Variants in POLR2F observed in about 807,000 individuals in gnomAD.
POLR2F encodes RNA polymerase II, I and III subunit F, also known as DNA-directed RNA polymerases I, II, and III subunit RPABC2.
Under a neutral mutation model 22.7 loss-of-function variants are expected in POLR2F, and 12 were observed. The ratio of observed to expected loss-of-function variants is 0.53; its 90% confidence interval spans 0.34 to 0.86. The LOEUF is 0.86. POLR2F is among the 40% of genes least tolerant of loss of function. The pLI is 0.02. For synonymous variants in POLR2F, 57 were observed against 66.0 expected (o/e 0.86, Z 0.66); for missense variants, 126 against 171.5 (o/e 0.73, Z 1.48).
chr22:37,956,298 G>T (rs951875919), intron 1 of POLR2F, among the ~76,000 whole-genome samples: 2 of 151,842 alleles, frequency 1.3e-5, no homozygotes, highest in East Asian at 3.9e-4. Flanking sequence ...CATCATGTTG[G>T]TCAGGCTGGC....
intron 1 of POLR2F, among the ~76,000 whole-genome samples, chr22:38,013,876 A>C (rs2084892965): frequency 6.6e-6 from 1 of 152,176 alleles, no homozygotes. Flanking sequence ...TAATCCCAGC[A>C]CTTTGGGAGG....
intron 5 of POLR2F, among the ~76,000 whole-genome samples, chr22:38,036,869 C>CT (rs747600617): frequency 6.6e-6 from 1 of 152,162 alleles, no homozygotes; most frequent in Non-Finnish European, 1.5e-5. Context: ...CCCTCTCAGG[C>CT]CTTTTGTGCT....
Position 37,962,729 on chromosome 22 carries a change from C to T in POLR2F, c.221+3253C>T, listed in dbSNP as rs932205730. Among the ~76,000 whole-genome samples, 3 of 152,280 alleles carry T rather than the reference C, an allele frequency of 2.0e-5. No homozygotes were observed. In the South Asian group the frequency reaches 6.2e-4, roughly 32 times the overall value. On this transcript the variant is annotated intron_variant, in intron 3 of 4. Transcript: ENST00000442738. ...TTTTTGAGACGGAGTCTTGCTCTGTCACCCAGGCTGGAGTGCAGTGGCACA... is the reference window on the plus strand; with the variant it reads ...TTTTTGAGACGGAGTCTTGCTCTGTTACCCAGGCTGGAGTGCAGTGGCACA...
chr22:37,996,808 G>A (rs2084718674), intron 1 of POLR2F, among the ~76,000 whole-genome samples: 1 of 152,208 alleles, frequency 6.6e-6, no homozygotes, highest in Non-Finnish European at 1.5e-5. Flanking sequence ...CCCTTGGGGA[G>A]TTTTAAAAGA....
rs907109273 is a variant in POLR2F, at chr22:37,975,001, A to G, written c.293+7831A>G. Among the ~76,000 whole-genome samples the G allele has an allele frequency of 2.6e-5, 4 of 152,176 alleles. No homozygotes were observed. In the East Asian group the frequency reaches 7.7e-4, roughly 29 times the overall value. On this transcript the variant is annotated intron_variant, in intron 4 of 4. Transcript: ENST00000405557. ...TCCTCCTGAGCCCACCCTGCTTCCC[A>G]GCCCACTGGCAAGCCCTTAGCCCCG...
In POLR2F at chr22:37,968,209, C is replaced by CAA; in HGVS notation, c.*495_*496insAA. 2 of 985,506 alleles carry CAA rather than the reference C, an allele frequency of 2.0e-6. No individual in the cohort carries two copies. The highest frequency in any genetic ancestry group is 1.2e-6 in the Non-Finnish European group (1 of 829,994). 61.0% of individuals were successfully genotyped at this position (985,506 alleles called of 1,614,324 possible). On this transcript the variant is annotated 3_prime_UTR_variant, in exon 5 of 5. Transcript: ENST00000442738. ...CTTATCGTGGGCTCGGATCCCCTTT[C>CAA]AGGAGCAGTGCCCCAGCAGGAAGCG...
intron 1 of POLR2F, among the ~76,000 whole-genome samples, chr22:38,009,573 T>C (rs1372558661): frequency 6.6e-6 from 1 of 152,236 alleles, no homozygotes; most frequent in Non-Finnish European, 1.5e-5. Context: ...GGATGAGTTT[T>C]GACACATGTA....
In POLR2F at chr22:37,986,201, A is replaced by G. The variant is rs1451483662; in HGVS notation, c.11A>G (p.Asp4Gly). 1 of 1,542,784 alleles carries G rather than the reference A, an allele frequency of 6.5e-7. No homozygotes were observed. Residue 4 changes from aspartate (D) to glycine (G), a missense_variant, in exon 1 of 3, where the codon GAC (aspartate) becomes GGC (glycine). Physicochemically the swap from Asp to Gly is moderately conservative, Grantham distance 94 (BLOSUM62 -1). Transcript: ENST00000333418. This position sits in a 1 kb window ranked among gnomAD's most constrained non-coding sequence, Gnocchi z 4.7. ...CCCGGAGAGGAGCCGCCCTGGATGG[A>G]CAGAGGGACGAGGGACGAGCATCTG...
chr22:37,970,900 T>G (rs1213617435), downstream of POLR2F: 1 of 247,438 alleles, frequency 4.0e-6, no homozygotes, highest in Non-Finnish European at 8.1e-6. Context: ...GGATATGACT[T>G]TGCAATGGAT....
downstream of POLR2F, among the ~76,000 whole-genome samples, chr22:38,030,588 C>T (rs778330715): frequency 2.6e-5 from 4 of 152,122 alleles, no homozygotes; most frequent in Non-Finnish European, 5.9e-5. Flanking sequence ...AACCGGAGCC[C>T]GAGGATAGAA....
Position 37,964,653 on chromosome 22 carries a change from C to T in POLR2F, c.222-2446C>T, listed in dbSNP as rs370959540. 1.0e-4 allele frequency among the ~76,000 whole-genome samples: 15 copies of T among 147,162 alleles called. No homozygotes were observed. The East Asian group carries it at 2.8e-3, about 28-fold the overall frequency. ...ATGGCATGATCTTGGCTGATTGCAA[C>T]CTCTGCCTCCTGGGTTCAAGGAATT... is the stretch of plus-strand genomic sequence containing the variant. On this transcript the variant is annotated intron_variant, in intron 3 of 4. Coordinates refer to ENST00000442738, the MANE Select transcript of POLR2F (RefSeq NM_021974.5).
At chr22:37,983,816 G>T (rs767144230), upstream of POLR2F, 2 of 1,403,514 alleles carry the variant, frequency 1.4e-6, no homozygotes, top group South Asian at 1.3e-5. The surrounding 1 kb of genome is among the most constrained non-coding windows in gnomAD (Gnocchi z 9.5). Context: ...CGCCGCCTCG[G>T]CCGCCTCCCC....
intron 1 of POLR2F, among the ~76,000 whole-genome samples, chr22:38,007,356 G>A (rs1382929299): frequency 1.3e-5 from 2 of 152,228 alleles, no homozygotes; most frequent in African/African-American, 4.8e-5. Flanking sequence ...AGGGCATGAG[G>A]TGGCCCAGGC....
downstream of POLR2F, among the ~76,000 whole-genome samples, chr22:37,970,062 G>T (rs1180724340): frequency 6.6e-6 from 1 of 152,112 alleles, no homozygotes; most frequent in African/African-American, 2.4e-5. Context: ...GGGAGGCTGA[G>T]GTTGGCAGAT....
rs2145752824 is a variant in POLR2F at position 37,968,669 on chromosome 22, T to C, written c.*954T>C. 1.0e-6 allele frequency: 1 copy of C among 985,402 alleles called. No homozygotes were observed. Among genetic ancestry groups the C allele is most frequent in the East Asian group, 1.1e-4 (1 of 8,804 alleles). 61.0% of individuals were successfully genotyped at this position (985,402 alleles called of 1,614,324 possible). On this transcript the variant is annotated 3_prime_UTR_variant, in exon 5 of 5. Transcript: ENST00000442738. ...TAGAGGGGGTCAGGGGGAGGGTGTA[T>C]ATTGACATGAACAGGGATAGAGGGT...
chr22:37,991,266 T>C (rs1283346142), intron 1 of POLR2F, among the ~76,000 whole-genome samples: 1 of 152,150 alleles, frequency 6.6e-6, no homozygotes, highest in Non-Finnish European at 1.5e-5. Flanking sequence ...TACCGGCGCA[T>C]GCCACCATGC....
At chr22:38,039,851 C>G (rs2085154671) in intron 5 of POLR2F, among the ~76,000 whole-genome samples, 1 of 152,122 alleles carries the variant, frequency 6.6e-6, no homozygotes, top group Non-Finnish European at 1.5e-5. Flanking sequence ...AGTGAAGAGC[C>G]CCTGTGCTGC....
intron 3 of POLR2F, among the ~76,000 whole-genome samples, chr22:37,962,315 C>T (rs1353574035): frequency 6.6e-6 from 1 of 152,132 alleles, no homozygotes; most frequent in Non-Finnish European, 1.5e-5. Flanking sequence ...GCAGCAAATG[C>T]TGTCTGTACA....
intron 1 of POLR2F, among the ~76,000 whole-genome samples, chr22:38,011,067 GT>G (rs1358137002): frequency 1.3e-5 from 2 of 152,006 alleles, no homozygotes; most frequent in African/African-American, 2.4e-5. Flanking sequence ...TCTTCTAAAA[GT>G]TTTATAGTTT....
Sources: gnomAD v4.1 joint callset for allele counts (sites outside exome capture counted in the v4.1 genomes callset) on GRCh38, gnomAD v4.1.1 for gene constraint, Gnocchi (gnomAD v3.1) non-coding constraint, MANE v1.5 for transcripts, NCBI Gene and HGNC (gene_info 2026-07-23, HGNC 2026-07-21) for gene names.